DNAH1: variants seen among roughly 807,000 people sequenced by gnomAD.
DNAH1 encodes the protein axonemal beta dynein heavy chain 1.
Under a neutral mutation model 484.3 loss-of-function variants are expected in DNAH1, and 327 were observed. The observed-to-expected ratio is 0.68, with a 90% confidence interval of 0.62 to 0.74. The LOEUF (loss-of-function observed/expected upper bound fraction) is 0.74, where lower values mean the gene tolerates loss of function less well. Among genes scored for constraint, DNAH1 ranks in the 30% least tolerant of loss-of-function variants. The probability of loss-of-function intolerance (pLI) is 0.00; values close to 1 mark genes in which losing one functional copy is unlikely to be tolerated. For synonymous variants in DNAH1, 2,192 were observed against 2,191.9 expected (o/e 1.00, Z 0.00); for missense variants, 5,052 against 5,546.8 (o/e 0.91, Z 2.83).
chr3:52,399,436 T>A, intron 76 of DNAH1, 109 bp from the exon 77 acceptor site: 3 of 1,060,922 alleles, frequency 2.8e-6, no homozygotes, highest in African/African-American at 1.6e-5. Flanking sequence ...TACGTGATGA[T>A]GGGCAGGCAG....
chr3:52,350,625 G>A (rs1478978843), intron 16 of DNAH1, 35 bp downstream of exon 16: 3 of 1,597,150 alleles, frequency 1.9e-6, no homozygotes, highest in Admixed American at 1.7e-5. Flanking sequence ...CCAGGTGCGG[G>A]GTGGAGCATG....
intron 44 of DNAH1, among the ~76,000 whole-genome samples, 198 bp from the exon 45 acceptor site, chr3:52,375,042 T>TAA (rs36095568): frequency 6.9e-6 from 1 of 145,112 alleles, no homozygotes. Flanking sequence ...TTGAACTTTG[T>TAA]AAAAAAAAAA....
At chr3:52,319,886 TC>T (rs1399194896) in intron 1 of DNAH1, among the ~76,000 whole-genome samples, 1 of 151,852 alleles carries the variant, frequency 6.6e-6, no homozygotes, top group Non-Finnish European at 1.5e-5. Context: ...CCTCGGTGCA[TC>T]CCCCCCACTG....
chr3:52,347,308 C>T (rs1305762759), intron 11 of DNAH1, among the ~76,000 whole-genome samples: 3 of 152,052 alleles, frequency 2.0e-5, no homozygotes, highest in Non-Finnish European at 4.4e-5. Context: ...GAAGGAAAGG[C>T]TGGCCAGTGT....
intron 1 of DNAH1, among the ~76,000 whole-genome samples, chr3:52,317,595 C>G (rs1700993638): frequency 6.6e-6 from 1 of 152,220 alleles, no homozygotes; most frequent in African/African-American, 2.4e-5. Flanking sequence ...CTGCATTTAG[C>G]TGTTTCGCTG....
At position 52,322,721 on chromosome 3, in the gene DNAH1, G is replaced by A. The variant is rs1701193498; in HGVS notation, c.279G>A (p.Lys93=). 2 of 1,613,052 alleles carry A rather than the reference G, an allele frequency of 1.2e-6. No individual in the cohort carries two copies. The highest frequency in any genetic ancestry group is 1.3e-5 in the African/African-American group (1 of 74,894). The change falls in exon 2 of 78, where the codon AAG becomes AAA. Residue 93 remains lysine (K), a synonymous_variant. Transcript: ENST00000420323. ...TGTDKKYPLM[K]QRGFYSDILS... Reference sequence around the variant, plus strand: ...CTGATAAGAAGTACCCGCTGATGAAGCAGCGTGGGTTCTACTCCGACATCC... The same window carrying A: ...CTGATAAGAAGTACCCGCTGATGAAACAGCGTGGGTTCTACTCCGACATCC...
Position 52,394,489 on chromosome 3 carries a change from G to A in DNAH1, c.10651G>A (p.Gly3551Arg). ...NQSEWRYLLS[G>R]GSISIMTENP... ...GAGTGAGTGGCGATACCTCCTGTCT[G>A]GGGGCTCCATCTCGATCATGACTGA... Residue 3551 changes from glycine to arginine, a missense_variant, in exon 67 of 78, where the codon GGG becomes AGG. Gly to Arg is a moderately radical substitution (Grantham distance 125, BLOSUM62 -2). Around this residue, in one of 4 missense-constraint regions of DNAH1, gnomAD observed 2,929 missense variants for 3,409.4 expected, o/e 0.86. Coordinates refer to ENST00000420323, the MANE Select transcript of DNAH1 (RefSeq NM_015512.5). 6.2e-7 allele frequency: 1 copy of A among 1,613,986 alleles called. No homozygotes were observed. The highest frequency in any genetic ancestry group is 8.5e-7 in the Non-Finnish European group (1 of 1,179,870).
At chr3:52,356,565 G>A (rs1353509612) in intron 21 of DNAH1, 49 bp from the exon 22 acceptor site, 1 of 1,594,256 alleles carries the variant, frequency 6.3e-7, no homozygotes, top group Admixed American at 1.7e-5. Flanking sequence ...ACCCCAGCTT[G>A]GACCCTGACA....
At position 52,348,798 on chromosome 3, in the gene DNAH1, C is replaced by T. The variant is rs1414007828; in HGVS notation, c.2107-90C>T. 8 of 1,445,590 alleles carry T rather than the reference C, an allele frequency of 5.5e-6. No homozygotes were observed. The African/African-American group carries it at 7.0e-5, about 13-fold the overall frequency. The allele number at this position is 1,445,590 out of a possible 1,614,324, so 89.5% of individuals were successfully genotyped here. On this transcript the variant is annotated intron_variant, in intron 12 of 77. Transcript: ENST00000420323. ...AGGCCACATCCTGCCCCTGCTTGCC[C>T]TGCTCCTCGGGAGGACTCCCCATCT...
intron 35 of DNAH1, 61 bp from the exon 36 acceptor site, chr3:52,366,672 C>A: frequency 6.4e-7 from 1 of 1,574,148 alleles, no homozygotes; most frequent in Non-Finnish European, 8.7e-7. Flanking sequence ...CTCCCCTTGG[C>A]CCCCAGCCCA....
rs1237078608 is a variant in DNAH1, at chr3:52,383,534, A to G, written c.8090A>G (p.Asn2697Ser). ...CAGGGCCTACAGCCCACCAAGGCCA[A>G]CCTCATGGCTGCTTACACAGGGCGT... is the stretch of plus-strand genomic sequence containing the variant. ...QEQGLQPTKA[N>S]LMAAYTGRVR... The change falls in exon 51 of 78, where the codon AAC becomes AGC. Residue 2697 changes from asparagine (N) to serine (S), a missense_variant. Coordinates refer to ENST00000420323, the MANE Select transcript of DNAH1 (RefSeq NM_015512.5). 2.5e-6 allele frequency: 4 copies of G among 1,612,830 alleles called. No homozygotes were observed. Among genetic ancestry groups the G allele is most frequent in the African/African-American group, 2.7e-5 (2 of 74,912 alleles).
intron 73 of DNAH1, 62 bp from the exon 74 acceptor site, chr3:52,397,645 G>GTAAC (rs1336692103): frequency 6.8e-7 from 1 of 1,461,194 alleles, no homozygotes; most frequent in African/African-American, 1.4e-5. Context: ...CCATTGGAGG[G>GTAAC]TAACTCTGAG....
rs753132213 is a variant in DNAH1, at chr3:52,331,185, C to T, written c.909C>T (p.Cys303=). ...PKSQKLKYKW[C]EVGVLDYDEE... ...GTCAGAAGCTGAAGTACAAATGGTG[C>T]GAGGTCGGCGTCCTGGACTACGACG... Residue 303 remains cysteine, a synonymous_variant, in exon 7 of 78, where the codon TGC becomes TGT. Transcript: ENST00000420323. 5.6e-6 allele frequency: 9 copies of T among 1,603,656 alleles called. No homozygotes were observed. The highest frequency in any genetic ancestry group is 1.7e-5 in the Admixed American group (1 of 58,328).
At chr3:52,317,780 C>CTGGGGAGGTT (rs1483395132) in intron 1 of DNAH1, 2 of 152,272 alleles carry the variant, frequency 1.3e-5, no homozygotes, top group African/African-American at 4.8e-5. Context: ...AGGGTTCAGG[C>CTGGGGAGGTT]TGGGGAGGTT....
In DNAH1 at chr3:52,391,626, G is replaced by A. The variant is rs79530660; in HGVS notation, c.10052+23G>A. On this transcript the variant is annotated intron_variant, in intron 63 of 77. Coordinates refer to ENST00000420323, the MANE Select transcript of DNAH1 (RefSeq NM_015512.5). ...CAGGTGAGCCCCCACTCTTGGGGAC[G>A]CCCAAGCATCAGCTCTGCCTCTGCC... 6.3e-4 allele frequency: 1,016 copies of A among 1,612,784 alleles called. 2 individuals carry two copies. Among genetic ancestry groups the A allele is most frequent in the Non-Finnish European group, 8.3e-4 (978 of 1,179,580 alleles).
rs1487953273 is a variant in DNAH1, at chr3:52,362,368, T to C, written c.4981-20T>C. On this transcript the variant is annotated intron_variant, in intron 30 of 77. Coordinates refer to ENST00000420323, the MANE Select transcript of DNAH1 (RefSeq NM_015512.5). This position sits in a 1 kb window ranked among gnomAD's most constrained non-coding sequence, Gnocchi z 5.1. ...GCTGGGCACCCTAGTCCCAGGCAAG[T>C]CAGCCTCTCCCCACTGCAGGTGGAA... 10 of 1,607,846 alleles carry C rather than the reference T, an allele frequency of 6.2e-6. No individual in the cohort carries two copies. The Admixed American group carries it at 1.7e-4, about 27-fold the overall frequency.
At chr3:52,376,511 C>T (rs565673993) in intron 46 of DNAH1, among the ~76,000 whole-genome samples, 4 of 152,332 alleles carry the variant, frequency 2.6e-5, no homozygotes, top group African/African-American at 9.6e-5. Flanking sequence ...TACCTGCGCC[C>T]TGCCTTCCCT....
At chr3:52,318,921 C>T (rs749099349) in intron 1 of DNAH1, among the ~76,000 whole-genome samples, 8 of 152,198 alleles carry the variant, frequency 5.3e-5, no homozygotes, top group Non-Finnish European at 8.8e-5. Context: ...GTGCAGGATC[C>T]TTGTTGAATC....
chr3:52,366,201 C>T (rs1194250442), intron 34 of DNAH1, among the ~76,000 whole-genome samples: 1 of 152,206 alleles, frequency 6.6e-6, no homozygotes. Flanking sequence ...GACCACCTGA[C>T]CAATGGCTGT....
Sources: gnomAD v4.1 joint callset for allele counts (sites outside exome capture counted in the v4.1 genomes callset) on GRCh38, gnomAD v4.1.1 for gene constraint, gnomAD v4.1.1 regional missense constraint, Gnocchi (gnomAD v3.1) non-coding constraint, MANE v1.5 for transcripts, NCBI Gene and HGNC (gene_info 2026-07-23, HGNC 2026-07-21) for gene names.